The following PUS10 variants were observed in gnomAD, a reference collection of about 807,000 sequenced individuals.
PUS10 encodes the protein pseudouridine synthase 10.
A neutral mutation model predicts 75.0 loss-of-function variants in PUS10; 59 were observed. That is an observed-to-expected ratio of 0.79 (90% CI 0.64 to 0.98). The LOEUF is 0.98. PUS10 is among the 50% of genes least tolerant of loss of function. PUS10 has a pLI of 0.00. For missense variants in PUS10, 650 were observed against 614.4 expected (o/e 1.06, Z -0.61); for synonymous variants, 219 against 211.6 (o/e 1.03, Z -0.30).
At chr2:60,975,605 G>A (rs1248910117) in intron 4 of PUS10, among the ~76,000 whole-genome samples, 1 of 150,984 alleles carries the variant, frequency 6.6e-6, no homozygotes, top group Non-Finnish European at 1.5e-5. Context: ...ATCATTTATA[G>A]GCACTGTTAT....
chr2:61,017,119 C>G (rs1472110341), intron 1 of PUS10: 2 of 152,376 alleles, frequency 1.3e-5, no homozygotes, highest in Non-Finnish European at 2.9e-5. Context: ...TCTTTTGCAC[C>G]CAGTCTGCAC....
intron 4 of PUS10, among the ~76,000 whole-genome samples, chr2:60,994,792 T>A (rs377271076): frequency 6.6e-6 from 1 of 152,142 alleles, no homozygotes; most frequent in African/African-American, 2.4e-5. Flanking sequence ...AATAACCCTT[T>A]TGAAATCTGA....
intron 16 of PUS10, among the ~76,000 whole-genome samples, chr2:60,947,038 C>A (rs1441319169): frequency 6.6e-6 from 1 of 152,078 alleles, no homozygotes; most frequent in Admixed American, 6.5e-5. Context: ...TTTTAATCAG[C>A]GACTCAGTTC....
chr2:60,950,947 A>T (rs1675298190), intron 15 of PUS10, among the ~76,000 whole-genome samples: 1 of 152,210 alleles, frequency 6.6e-6, no homozygotes, highest in African/African-American at 2.4e-5. Flanking sequence ...AGGCTGAAAT[A>T]CTACATTTCT....
At chr2:61,012,696 T>C (rs1389745565) in intron 1 of PUS10, among the ~76,000 whole-genome samples, 2 of 148,270 alleles carry the variant, frequency 1.3e-5, no homozygotes, top group Non-Finnish European at 3.0e-5. Context: ...TTGCCGGGCA[T>C]GGTGGCAAGC....
chr2:60,947,436 C>T (rs1675014840), intron 16 of PUS10, among the ~76,000 whole-genome samples: 2 of 152,318 alleles, frequency 1.3e-5, no homozygotes, highest in South Asian at 4.1e-4. Flanking sequence ...TTTCTGAGTA[C>T]TATGTGCTCA....
intron 2 of PUS10, chr2:61,010,645 T>C (rs1679539748): frequency 1.1e-6 from 1 of 934,500 alleles, no homozygotes; most frequent in Non-Finnish European, 1.6e-6. Flanking sequence ...TTTCAAAGTG[T>C]TTCCACGTAC....
At position 60,953,938 on chromosome 2, in the gene PUS10, G is replaced by A; in HGVS notation, c.1185C>T (p.Val395=). 1 of 1,613,688 alleles carries A rather than the reference G, an allele frequency of 6.2e-7. No homozygotes were observed. The highest frequency in any genetic ancestry group is 8.5e-7 in the Non-Finnish European group (1 of 1,179,614). The change falls in exon 14 of 18, where the codon GTC becomes GTT. Residue 395 remains valine, a synonymous_variant. Coordinates refer to ENST00000316752, the MANE Select transcript of PUS10 (RefSeq NM_144709.4). Reference sequence around the variant, plus strand: ...TCCAATGAGCCTACTCTTACCTTGTGACAAGCTGCAAGTCACGTACTTGGA... The same window carrying A: ...TCCAATGAGCCTACTCTTACCTTGTAACAAGCTGCAAGTCACGTACTTGGA... ...NKIQVRDLQL[V]TREAIGHMKE... is the part of the protein sequence containing the mutation.
At chr2:60,993,511 T>A (rs1678250425) in intron 4 of PUS10, among the ~76,000 whole-genome samples, 1 of 151,810 alleles carries the variant, frequency 6.6e-6, no homozygotes, top group South Asian at 2.1e-4. Context: ...ATGTATTACA[T>A]TAAGAAAAAC....
At chr2:60,961,060 C>T (rs930170451) in intron 10 of PUS10, among the ~76,000 whole-genome samples, 7 of 152,126 alleles carry the variant, frequency 4.6e-5, no homozygotes, top group African/African-American at 1.7e-4. Context: ...AATTTCTTTC[C>T]AGTGGAAGCC....
chr2:60,960,407 C>A lies in PUS10; in HGVS notation c.985G>T (p.Val329Leu), dbSNP rs773992213. The A allele has an allele frequency of 6.5e-7, 1 of 1,538,712 alleles. No individual in the cohort carries two copies. The highest frequency in any genetic ancestry group is 8.7e-7 in the Non-Finnish European group (1 of 1,146,950). ...EELISDHLLA[V>L]FKAESFNFSS... is the part of the protein sequence containing the mutation. Reference sequence around the variant, plus strand: ...TAACACTTACTCTCTGCTTTAAATACTGCCAACAGATGATCTGAAATTAAT... The same window carrying A: ...TAACACTTACTCTCTGCTTTAAATAATGCCAACAGATGATCTGAAATTAAT... Residue 329 changes from valine to leucine, a missense_variant, in exon 11 of 18, where the codon GTA (valine) becomes TTA (leucine). Transcript: ENST00000316752.
At chr2:60,974,603 G>A (rs1482976205) in intron 4 of PUS10, among the ~76,000 whole-genome samples, 1 of 152,152 alleles carries the variant, frequency 6.6e-6, no homozygotes, top group Non-Finnish European at 1.5e-5. Flanking sequence ...CCTGAGCCAG[G>A]GCGTGACACC....
At position 60,967,552 on chromosome 2, in the gene PUS10, T is replaced by A. The variant is rs779081136; in HGVS notation, c.565A>T (p.Ile189Leu). The change falls in exon 6 of 18, where the codon ATA becomes TTA. Residue 189 changes from isoleucine (I) to leucine (L), a missense_variant. Coordinates refer to ENST00000316752, the MANE Select transcript of PUS10 (RefSeq NM_144709.4). Reference sequence around the variant, plus strand: ...TCCTCTGAAAACAGGGGGTGAGTTATCCATTTGTAGGCTTCTTTTAGCTGA... The same window carrying A: ...TCCTCTGAAAACAGGGGGTGAGTTAACCATTTGTAGGCTTCTTTTAGCTGA... ...IVQLKEAYKW[I>L]THPLFSEELG... The A allele has an allele frequency of 6.2e-7, 1 of 1,610,004 alleles. No homozygotes were observed. Among genetic ancestry groups the A allele is most frequent in the Non-Finnish European group, 8.5e-7 (1 of 1,178,108 alleles).
At chr2:60,990,743 T>TCTTTC (rs1678023451) in intron 4 of PUS10, among the ~76,000 whole-genome samples, 1 of 152,066 alleles carries the variant, frequency 6.6e-6, no homozygotes, top group African/African-American at 2.4e-5. Flanking sequence ...GTCCAAATTT[T>TCTTTC]CTTTTCTTTT....
intron 4 of PUS10, among the ~76,000 whole-genome samples, chr2:61,003,262 G>T (rs565534687): frequency 6.6e-6 from 1 of 152,080 alleles, no homozygotes; most frequent in Non-Finnish European, 1.5e-5. Flanking sequence ...AGGAGTTTGA[G>T]ACCAGCCTGA....
intron 4 of PUS10, among the ~76,000 whole-genome samples, chr2:60,986,982 A>G (rs1367792430): frequency 2.0e-5 from 3 of 152,226 alleles, no homozygotes; most frequent in South Asian, 2.1e-4. Flanking sequence ...TGTTGTTTTT[A>G]TAATACAGGT....
rs143272788 is a variant in PUS10 at position 60,942,395 on chromosome 2, C to T, written c.1590G>A (p.Ter530=). 2 of 1,613,146 alleles carry T rather than the reference C, an allele frequency of 1.2e-6. No homozygotes were observed. The highest frequency in any genetic ancestry group is 1.3e-5 in the African/African-American group (1 of 74,888). The change falls in exon 18 of 18, where the codon TAG becomes TAA. Residue 530 remains the stop codon, a stop_retained_variant. Coordinates refer to ENST00000316752, the MANE Select transcript of PUS10 (RefSeq NM_144709.4). ...TACTCTTTGTCTCCAAATTTGAAAG[C>T]TAGTCATCCAGAGCAGGTGGCCAGT... ...DVDWPPALDD[*] is the part of the protein sequence containing the mutation.
chr2:60,946,961 C>G (rs1674980897), intron 16 of PUS10, among the ~76,000 whole-genome samples: 1 of 151,956 alleles, frequency 6.6e-6, no homozygotes, highest in Non-Finnish European at 1.5e-5. Context: ...AACCAAGAAA[C>G]AAACAAAAAC....
chr2:60,988,201 A>ATGAATTTTT (rs1215285387), intron 4 of PUS10, among the ~76,000 whole-genome samples: 2 of 152,222 alleles, frequency 1.3e-5, no homozygotes, highest in African/African-American at 2.4e-5. Flanking sequence ...ATAACCAGTA[A>ATGAATTTTT]TGAATTTTTT....
Sources: allele counts gnomAD v4.1 joint callset (sites outside exome capture counted in the v4.1 genomes callset), GRCh38; gene constraint gnomAD v4.1.1; transcripts MANE v1.5; gene names NCBI Gene and HGNC (gene_info 2026-07-23, HGNC 2026-07-21).